Variants in CDC14A observed in about 807,000 individuals in gnomAD.
CDC14A encodes the protein dual specificity protein phosphatase CDC14A.
CDC14A carries 53 observed loss-of-function variants against 74.4 expected under a neutral mutation model. That is an observed-to-expected ratio of 0.71 (90% CI 0.57 to 0.89). The LOEUF (loss-of-function observed/expected upper bound fraction) is 0.89. Among genes scored for constraint, CDC14A ranks in the 40% least tolerant of loss-of-function variants. CDC14A has a pLI of 0.00. For synonymous variants in CDC14A, 247 were observed against 258.4 expected (o/e 0.96, Z 0.43); for missense variants, 646 against 713.7 (o/e 0.91, Z 1.08).
chr1:100,443,476 C>T lies in CDC14A; in HGVS notation c.519+480C>T, dbSNP rs1277266312. On this transcript the variant is annotated intron_variant, in intron 7 of 15. Coordinates refer to ENST00000336454, the MANE Select transcript of CDC14A (RefSeq NM_003672.4). Reference sequence around the variant, plus strand: ...TCAGCCTCCCAAGCAGCTGGAATTACAGGTGCATGCCACCATGTCTGGCTA... The same window carrying T: ...TCAGCCTCCCAAGCAGCTGGAATTATAGGTGCATGCCACCATGTCTGGCTA... 4.6e-5 allele frequency among the ~76,000 whole-genome samples: 7 copies of T among 151,684 alleles called. No homozygotes were observed. The South Asian group carries it at 1.2e-3, about 27-fold the overall frequency.
chr1:100,471,538 AAAGATT>A (rs1668395494), intron 10 of CDC14A, among the ~76,000 whole-genome samples: 1 of 152,178 alleles, frequency 6.6e-6, no homozygotes, highest in Admixed American at 6.5e-5. Flanking sequence ...GTGAAAAGAT[AAAGATT>A]ATCTTGAATA....
chr1:100,406,201 C>A (rs1337919598), intron 4 of CDC14A, among the ~76,000 whole-genome samples: 2 of 152,048 alleles, frequency 1.3e-5, no homozygotes, highest in Non-Finnish European at 2.9e-5. Flanking sequence ...CTGTTCATAT[C>A]CCCTGCTCAC....
intron 4 of CDC14A, among the ~76,000 whole-genome samples, chr1:100,417,303 C>A (rs1661664021): frequency 6.6e-6 from 1 of 152,152 alleles, no homozygotes; most frequent in Non-Finnish European, 1.5e-5. Flanking sequence ...CCTTTAGAGT[C>A]CTTGAAGTCA....
chr1:100,457,404 T>C (rs1666814798), intron 8 of CDC14A, among the ~76,000 whole-genome samples: 10 of 152,198 alleles, frequency 6.6e-5, no homozygotes, highest in Admixed American at 6.5e-4. Flanking sequence ...CACGACTGCA[T>C]TGCATTTTGT....
In CDC14A at chr1:100,498,916, GTTTTCCATTCAGC is replaced by G; in HGVS notation, c.1422-4_1430del. On this transcript the variant is annotated splice_acceptor_variant and splice_polypyrimidine_tract_variant and coding_sequence_variant and intron_variant, in exon 15 of 16. Coordinates refer to ENST00000336454, the MANE Select transcript of CDC14A (RefSeq NM_003672.4). LOFTEE classifies it high-confidence loss of function. ...GTCTGTTTTTTCCCTCCTCACTTGT[GTTTTCCATTCAGC>G]TTTTCCATAAACTCCCGGCTAGCCA... 1 of 1,603,492 alleles carries G rather than the reference GTTTTCCATTCAGC, an allele frequency of 6.2e-7. No homozygotes were observed. Among genetic ancestry groups the G allele is most frequent in the Non-Finnish European group, 8.5e-7 (1 of 1,173,850 alleles).
chr1:100,347,541 G>A (rs151059624), upstream of CDC14A, among the ~76,000 whole-genome samples: 383 of 152,218 alleles, frequency 2.5e-3, 2 homozygotes, highest in African/African-American at 8.7e-3. Context: ...TATCATTTGC[G>A]GGCAGACTTC....
Position 100,412,722 on chromosome 1 carries a change from A to T in CDC14A, c.310-11500A>T, listed in dbSNP as rs10603056. 8.1e-4 allele frequency among the ~76,000 whole-genome samples: 60 copies of T among 73,906 alleles called. 1 individual carries two copies. In the South Asian group the frequency reaches 8.6e-3, roughly 11 times the overall value. The allele number at this position is 73,906 out of a possible 152,430, so 48.5% of individuals were successfully genotyped here. On this transcript the variant is annotated intron_variant, in intron 4 of 15. Transcript: ENST00000336454. ...TATATATATATATATATATATATAT[A>T]TTTTATATATATATATTTTATATAT...
intron 5 of CDC14A, among the ~76,000 whole-genome samples, chr1:100,438,015 GACCTT>G (rs1218306564): frequency 1.3e-5 from 2 of 151,916 alleles, no homozygotes; most frequent in Non-Finnish European, 2.9e-5. Flanking sequence ...TATTTTTACT[GACCTT>G]ACCTTATCAA....
chr1:100,416,994 GT>G (rs1231003357), intron 4 of CDC14A, among the ~76,000 whole-genome samples: 1 of 152,200 alleles, frequency 6.6e-6, no homozygotes, highest in Non-Finnish European at 1.5e-5. Context: ...GCCAGGCATA[GT>G]GTTGAGTCCT....
intron 2 of CDC14A, among the ~76,000 whole-genome samples, chr1:100,355,390 T>C (rs1314176580): frequency 6.6e-6 from 1 of 152,140 alleles, no homozygotes; most frequent in Admixed American, 6.5e-5. Flanking sequence ...GATTGCTAGG[T>C]GGTAGATCTA....
intron 4 of CDC14A, among the ~76,000 whole-genome samples, chr1:100,422,926 C>G (rs1426640773): frequency 6.6e-6 from 1 of 151,956 alleles, no homozygotes; most frequent in Non-Finnish European, 1.5e-5. Flanking sequence ...GAGGAAAACC[C>G]TACTGTTAAG....
At chr1:100,494,673 T>G in intron 11 of CDC14A, 145 bp from the exon 12 acceptor site, 1 of 547,210 alleles carries the variant, frequency 1.8e-6, no homozygotes, top group Non-Finnish European at 3.2e-6. Flanking sequence ...TTGTGTAAAC[T>G]TTGACAATGC....
At chr1:100,388,432 G>A (rs1229205943) in intron 3 of CDC14A, among the ~76,000 whole-genome samples, 1 of 152,194 alleles carries the variant, frequency 6.6e-6, no homozygotes, top group Non-Finnish European at 1.5e-5. Flanking sequence ...ACCATTGGTT[G>A]TAACCTTTAC....
chr1:100,419,555 A>G (rs1258587618), intron 4 of CDC14A, among the ~76,000 whole-genome samples: 2 of 152,290 alleles, frequency 1.3e-5, no homozygotes, highest in Non-Finnish European at 2.9e-5. Flanking sequence ...GCTTCAGCCC[A>G]AAGCACACAT....
chr1:100,465,815 A>T (rs761679099), intron 9 of CDC14A, among the ~76,000 whole-genome samples: 10 of 152,234 alleles, frequency 6.6e-5, no homozygotes, highest in Non-Finnish European at 8.8e-5. Flanking sequence ...CCAGTATGTG[A>T]TTATCGATGT....
chr1:100,367,594 T>C (rs1337479171), intron 2 of CDC14A, among the ~76,000 whole-genome samples: 1 of 152,230 alleles, frequency 6.6e-6, no homozygotes, highest in African/African-American at 2.4e-5. Context: ...GTAAGTATTG[T>C]ATCAAATGAC....
At chr1:100,467,619 A>AC (rs1414971119) in intron 9 of CDC14A, among the ~76,000 whole-genome samples, 1 of 150,028 alleles carries the variant, frequency 6.7e-6, no homozygotes, top group Non-Finnish European at 1.5e-5. Flanking sequence ...CCTCATCCCA[A>AC]CCCCCCAGCC....
At chr1:100,495,371 G>T (rs1420056435) in intron 12 of CDC14A, among the ~76,000 whole-genome samples, 1 of 152,142 alleles carries the variant, frequency 6.6e-6, no homozygotes, top group African/African-American at 2.4e-5. Flanking sequence ...AATTGAATAA[G>T]CAATTCTTAC....
chr1:100,382,945 G>A (rs935598781), intron 3 of CDC14A, among the ~76,000 whole-genome samples: 1 of 152,198 alleles, frequency 6.6e-6, no homozygotes, highest in African/African-American at 2.4e-5. Context: ...CCTATCGGGG[G>A]TTATATACAC....
Sources: gnomAD v4.1 joint callset for allele counts (sites outside exome capture counted in the v4.1 genomes callset) on GRCh38, gnomAD v4.1.1 for gene constraint, MANE v1.5 for transcripts, NCBI Gene and HGNC (gene_info 2026-07-23, HGNC 2026-07-21) for gene names.